The following CRK variants were observed in gnomAD, a reference collection of about 807,000 sequenced individuals.
CRK encodes the protein adapter molecule crk.
Under a neutral mutation model 29.8 loss-of-function variants are expected in CRK, and 4 were observed. That is an observed-to-expected ratio of 0.13 (90% CI 0.07 to 0.31). CRK has a LOEUF of 0.31. CRK is among the 10% of genes least tolerant of loss of function. CRK has a pLI of 1.00. For synonymous variants in CRK, 153 were observed against 164.9 expected, an observed-to-expected ratio of 0.93 and a Z score of 0.55; for missense variants, 274 against 396.5, an observed-to-expected ratio of 0.69 and a Z score of 2.62.
rs2073716858 is a variant in CRK, at chr17:1,420,822, T to C, written c.*2691A>G. The C allele has an allele frequency of 6.6e-6, 1 of 152,178 alleles. No individual in the cohort carries two copies. Among genetic ancestry groups the C allele is most frequent in the Non-Finnish European group, 1.5e-5 (1 of 68,046 alleles). The allele number at this position is 152,178 out of a possible 1,614,324, so 9.4% of individuals were successfully genotyped here. ...ATTTAACTGTCAAGAAAGTGTATAG[T>C]GTTATAATACAATGGCACATGTTTA... On this transcript the variant is annotated 3_prime_UTR_variant, in exon 3 of 3. Transcript: ENST00000300574.
intron 1 of CRK, among the ~76,000 whole-genome samples, chr17:1,454,224 A>T (rs1014498529): frequency 1.3e-5 from 2 of 151,696 alleles, no homozygotes; most frequent in African/African-American, 4.8e-5. Context: ...AGTAAGAAAT[A>T]AATAAGAAAA....
At chr17:1,444,573 C>T (rs2073958901) in intron 1 of CRK, among the ~76,000 whole-genome samples, 2 of 134,458 alleles carry the variant, frequency 1.5e-5, no homozygotes, top group Non-Finnish European at 3.1e-5. Flanking sequence ...GCCTGTAATC[C>T]CAGCACTTTG....
Position 1,423,654 on chromosome 17 carries a change from C to A in CRK, c.778-4G>T. 1 of 1,613,770 alleles carries A rather than the reference C, an allele frequency of 6.2e-7. No individual in the cohort carries two copies. Among genetic ancestry groups the A allele is most frequent in the Non-Finnish European group, 8.5e-7 (1 of 1,179,902 alleles). On this transcript the variant is annotated splice_region_variant and splice_polypyrimidine_tract_variant and intron_variant, in intron 2 of 2. Coordinates refer to ENST00000300574, the MANE Select transcript of CRK (RefSeq NM_016823.4). ...TAACCTTTACCAGCTCACCGACCTG[C>A]AGGAGGAGAATAAGGAGAGCACTTT...
intron 1 of CRK, among the ~76,000 whole-genome samples, chr17:1,445,249 G>A (rs1367455857): frequency 1.3e-5 from 2 of 152,158 alleles, no homozygotes; most frequent in African/African-American, 4.8e-5. Context: ...GTACTGATGA[G>A]TGCCTTCTCT....
intron 1 of CRK, among the ~76,000 whole-genome samples, chr17:1,454,759 A>C (rs1471178491): frequency 6.6e-6 from 1 of 152,222 alleles, no homozygotes; most frequent in South Asian, 2.1e-4. Context: ...GCTGTTACAC[A>C]GGTACACATA....
chr17:1,430,808 C>T (rs1263071106), intron 2 of CRK, among the ~76,000 whole-genome samples: 1 of 151,866 alleles, frequency 6.6e-6, no homozygotes, highest in Non-Finnish European at 1.5e-5. Context: ...TGGCTCATGC[C>T]TGTAATCCCA....
chr17:1,456,133 T>C lies in CRK; in HGVS notation c.-16A>G. 2.0e-6 allele frequency: 3 copies of C among 1,510,978 alleles called. No individual in the cohort carries two copies. Among genetic ancestry groups the C allele is most frequent in the Non-Finnish European group, 2.7e-6 (3 of 1,131,504 alleles). 93.6% of individuals were successfully genotyped at this position (1,510,978 alleles called of 1,614,324 possible). ...TGCCCGCCATGGCTGCCTCCGCGCC[T>C]AAACGCTGGGGTGCCGCCGCCGCGC... On this transcript the variant is annotated 5_prime_UTR_variant, in exon 1 of 3. Coordinates refer to ENST00000300574, the MANE Select transcript of CRK (RefSeq NM_016823.4).
chr17:1,455,281 C>A (rs911962458), intron 1 of CRK, among the ~76,000 whole-genome samples: 1 of 152,118 alleles, frequency 6.6e-6, no homozygotes, highest in African/African-American at 2.4e-5. Context: ...ACTTAGTTCA[C>A]CACCTTCGTC....
At position 1,421,826 on chromosome 17, in the gene CRK, G is replaced by A. The variant is rs182249851; in HGVS notation, c.*1687C>T. The A allele has an allele frequency of 4.9e-4, 74 of 152,286 alleles. No homozygotes were observed. Among genetic ancestry groups the A allele is most frequent in the African/African-American group, 1.7e-3 (70 of 41,570 alleles). 9.4% of individuals were successfully genotyped at this position (152,286 alleles called of 1,614,324 possible). Reference sequence around the variant, plus strand: ...GAAAGGCAGATTATTTTTCCAAAATGAGGTCCAAAGCAAACTATAAGGTGT... The same window carrying A: ...GAAAGGCAGATTATTTTTCCAAAATAAGGTCCAAAGCAAACTATAAGGTGT... On this transcript the variant is annotated 3_prime_UTR_variant, in exon 3 of 3. Transcript: ENST00000300574.
At chr17:1,435,431 C>T (rs1341171988) in intron 2 of CRK, among the ~76,000 whole-genome samples, 4 of 145,460 alleles carry the variant, frequency 2.7e-5, no homozygotes, top group African/African-American at 7.7e-5. Flanking sequence ...TCTAGTGACT[C>T]AGTAAGGCCA....
At chr17:1,441,741 C>T (rs1462816787) in intron 1 of CRK, among the ~76,000 whole-genome samples, 1 of 151,690 alleles carries the variant, frequency 6.6e-6, no homozygotes, top group Non-Finnish European at 1.5e-5. Context: ...CCATCCACCT[C>T]GGCCTCCCAA....
At chr17:1,441,392 GATCAC>G (rs1173878338) in intron 1 of CRK, among the ~76,000 whole-genome samples, 5 of 152,060 alleles carry the variant, frequency 3.3e-5, no homozygotes, top group Non-Finnish European at 5.9e-5. Flanking sequence ...GCAGTAGTGT[GATCAC>G]AGCTCACCGC....
intron 1 of CRK, among the ~76,000 whole-genome samples, chr17:1,449,117 C>G (rs997653604): frequency 1.3e-5 from 2 of 152,128 alleles, no homozygotes; most frequent in Non-Finnish European, 2.9e-5. Context: ...CTATTACCAC[C>G]CTAGCTTCTG....
Position 1,421,544 on chromosome 17 carries a change from A to T in CRK, c.*1969T>A, listed in dbSNP as rs575428714. The T allele has an allele frequency of 6.6e-6, 1 of 152,222 alleles. No individual in the cohort carries two copies. Among genetic ancestry groups the T allele is most frequent in the African/African-American group, 2.4e-5 (1 of 41,460 alleles). The allele number at this position is 152,222 out of a possible 1,614,324, so 9.4% of individuals were successfully genotyped here. On this transcript the variant is annotated 3_prime_UTR_variant, in exon 3 of 3. Transcript: ENST00000300574. ...TTTACAAGTTGAGTTTAACGTCTTT[A>T]TCAAGCATGACCTTAGTGTGAGGTA... is the stretch of plus-strand genomic sequence containing the variant.
intron 1 of CRK, among the ~76,000 whole-genome samples, chr17:1,455,256 A>C (rs1345194088): frequency 2.0e-5 from 3 of 152,118 alleles, no homozygotes; most frequent in African/African-American, 7.2e-5. Flanking sequence ...TTCTGCTACC[A>C]CTATTTCTTC....
chr17:1,425,175 T>C (rs1045489462), intron 2 of CRK, among the ~76,000 whole-genome samples: 17 of 151,624 alleles, frequency 1.1e-4, no homozygotes, highest in East Asian at 2.0e-4. Flanking sequence ...CTGCAAGCTC[T>C]GCCTCCCGGG....
intron 2 of CRK, chr17:1,424,502 C>G (rs2073758149): frequency 6.6e-6 from 1 of 152,152 alleles, no homozygotes; most frequent in South Asian, 2.1e-4. Flanking sequence ...TCAAGTGTTC[C>G]TATCACCTCC....
chr17:1,444,599 G>GGA (rs1555654449), intron 1 of CRK, among the ~76,000 whole-genome samples: 1 of 149,824 alleles, frequency 6.7e-6, no homozygotes, highest in Non-Finnish European at 1.5e-5. Context: ...CCGAAGCGGG[G>GGA]GGGGGGATCA....
chr17:1,449,947 C>T lies in CRK; in HGVS notation c.241+5930G>A, dbSNP rs962399758. ...CGCACGGTGGCTCACGCCTGTAATCCTAACACTTTGGGAGGTCAAGGCAGG... is the reference window on the plus strand; with the variant it reads ...CGCACGGTGGCTCACGCCTGTAATCTTAACACTTTGGGAGGTCAAGGCAGG... On this transcript the variant is annotated intron_variant, in intron 1 of 2. Coordinates refer to ENST00000300574, the MANE Select transcript of CRK (RefSeq NM_016823.4). 4.6e-5 allele frequency among the ~76,000 whole-genome samples: 7 copies of T among 152,312 alleles called. No homozygotes were observed. The South Asian group carries it at 1.5e-3, about 32-fold the overall frequency.
Sources: gnomAD v4.1 joint callset for allele counts (sites outside exome capture counted in the v4.1 genomes callset) on GRCh38, gnomAD v4.1.1 for gene constraint, MANE v1.5 for transcripts, NCBI Gene and HGNC (gene_info 2026-07-23, HGNC 2026-07-21) for gene names.